The following ITGA10 variants were observed in gnomAD, a reference collection of about 807,000 sequenced individuals.
The protein encoded by ITGA10 is integrin subunit alpha 10.
A neutral mutation model predicts 145.2 loss-of-function variants in ITGA10; 105 were observed. The observed-to-expected ratio is 0.72, with a 90% CI of 0.62 to 0.85. ITGA10 has a LOEUF of 0.85. ITGA10 is among the 40% of genes least tolerant of loss of function. The pLI, the probability that ITGA10 is intolerant of heterozygous loss-of-function variation, is 0.00. For missense variants in ITGA10, 1,317 were observed against 1,444.5 expected (o/e 0.91, Z 1.43); for synonymous variants, 506 against 557.8 (o/e 0.91, Z 1.31).
rs1657280117 is a variant in ITGA10, at chr1:145,907,232, G to GT, written c.165-83dup. On this transcript the variant is annotated intron_variant, in intron 2 of 29. Coordinates refer to ENST00000369304, the MANE Select transcript of ITGA10 (RefSeq NM_003637.5). ...GCCAAAGGGAAAGAGCATGGAGGTG[G>GT]TAAGTTTAGAGCCCCAGCCACTTTC... The GT allele has an allele frequency of 7.6e-6, 12 of 1,579,538 alleles. 1 individual carries two copies. Among genetic ancestry groups the GT allele is most frequent in the South Asian group, 4.6e-5 (4 of 87,430 alleles).
chr1:145,909,504 G>T (rs1559218116), intron 1 of ITGA10, among the ~76,000 whole-genome samples: 3 of 127,054 alleles, frequency 2.4e-5, no homozygotes, highest in East Asian at 2.1e-4. Context: ...ATATAATTAT[G>T]TTATATATTA....
intron 1 of ITGA10, among the ~76,000 whole-genome samples, chr1:145,909,152 T>C (rs1553752370): frequency 6.6e-6 from 1 of 150,834 alleles, no homozygotes; most frequent in Admixed American, 6.6e-5. Flanking sequence ...AAAAAAAAAT[T>C]AGCCAGGCGT....
At chr1:145,905,311 G>A (rs587636704) in intron 5 of ITGA10, among the ~76,000 whole-genome samples, 4 of 151,126 alleles carry the variant, frequency 2.6e-5, no homozygotes, top group East Asian at 1.9e-4. Flanking sequence ...ACAGAGTCTC[G>A]CTCTATTGCC....
At position 145,895,357 on chromosome 1, in the gene ITGA10, G is replaced by A. The variant is rs781997748; in HGVS notation, c.3151C>T (p.His1051Tyr). Residue 1051 changes from histidine (H) to tyrosine (Y), a missense_variant, in exon 27 of 30, where the codon CAC becomes TAC. Coordinates refer to ENST00000369304, the MANE Select transcript of ITGA10 (RefSeq NM_003637.5). Reference sequence around the variant, plus strand: ...GTCCCCTTTGCCAGCTGCCCAAGGTGGCACCTCACCACCTGACACTGAGTA... The same window carrying A: ...GTCCCCTTTGCCAGCTGCCCAAGGTAGCACCTCACCACCTGACACTGAGTA... ...SNTQCQVVRC[H>Y]LGQLAKGTEV... is the part of the protein sequence containing the mutation. The A allele has an allele frequency of 6.2e-7, 1 of 1,614,050 alleles. No individual in the cohort carries two copies. Among genetic ancestry groups the A allele is most frequent in the Non-Finnish European group, 8.5e-7 (1 of 1,179,942 alleles).
intron 23 of ITGA10, 92 bp downstream of exon 23, chr1:145,896,677 G>C (rs1234477063): frequency 9.1e-7 from 1 of 1,101,930 alleles, no homozygotes; most frequent in African/African-American, 1.5e-5. Flanking sequence ...TTGGGTTTTT[G>C]GAAAAACTGA....
chr1:145,901,393 A>T lies in ITGA10; in HGVS notation c.1444-115T>A, dbSNP rs942605279. 1.1e-5 allele frequency: 17 copies of T among 1,490,836 alleles called. No individual in the cohort carries two copies. Among genetic ancestry groups the T allele is most frequent in the Non-Finnish European group, 1.5e-5 (17 of 1,102,646 alleles). The allele number at this position is 1,490,836 out of a possible 1,614,324, so 92.4% of individuals were successfully genotyped here. ...AGTCTGCTCCTTACATCCCTGACAG[A>T]CTCTGCCAACCAGAATTCCGCACAG... On this transcript the variant is annotated intron_variant, in intron 12 of 29. Coordinates refer to ENST00000369304, the MANE Select transcript of ITGA10 (RefSeq NM_003637.5). The surrounding 1 kb of genome is among the most constrained non-coding windows in gnomAD (Gnocchi z 4.3).
chr1:145,903,065 A>ACG, intron 7 of ITGA10, 104 bp from the exon 8 acceptor site: 1 of 951,142 alleles, frequency 1.1e-6, no homozygotes, highest in Non-Finnish European at 1.5e-6. Flanking sequence ...ACACACACAC[A>ACG]CAGGATTTAA....
At chr1:145,906,954 G>T in intron 3 of ITGA10, 87 bp downstream of exon 3, 1 of 1,165,392 alleles carries the variant, frequency 8.6e-7, no homozygotes, top group Non-Finnish European at 1.2e-6. Flanking sequence ...CGGATTTTAG[G>T]GGTGAAAAAG....
chr1:145,893,690 A>G, intron 27 of ITGA10, 55 bp from the exon 28 acceptor site: 1 of 1,390,230 alleles, frequency 7.2e-7, no homozygotes. Flanking sequence ...CAGGTGATAT[A>G]GTTCTTTGGA....
chr1:145,904,564 G>T, intron 6 of ITGA10, 120 bp downstream of exon 6: 2 of 1,008,030 alleles, frequency 2.0e-6, no homozygotes, highest in Non-Finnish European at 2.9e-6. Context: ...TTTTAGAGAT[G>T]AGGTCTCACT....
rs1332569776 is a variant in ITGA10, at chr1:145,904,233, G to A, written c.610-33C>T. ...TAAAGCGCATTCAAATGAAATGTAT[G>A]TATGTGAGATGGGGGGAGAGGAGGA... On this transcript the variant is annotated intron_variant, in intron 6 of 29. Coordinates refer to ENST00000369304, the MANE Select transcript of ITGA10 (RefSeq NM_003637.5). The A allele has an allele frequency of 2.5e-6, 4 of 1,608,348 alleles. No individual in the cohort carries two copies. The African/African-American group carries it at 4.0e-5, about 16-fold the overall frequency.
Position 145,900,900 on chromosome 1 carries a change from G to C in ITGA10, c.1681C>G (p.Gln561Glu), listed in dbSNP as rs141497717. 403 of 1,614,068 alleles carry C rather than the reference G, an allele frequency of 2.5e-4. 2 individuals are homozygous for C. The highest frequency in any genetic ancestry group is 9.3e-4 in the African/African-American group (70 of 74,986). Residue 561 changes from glutamine to glutamate, a missense_variant, in exon 14 of 30, where the codon CAA (glutamine) becomes GAA (glutamate). Transcript: ENST00000369304. ...FAMGALPDLN[Q>E]DGFADVAVGA... is the part of the protein sequence containing the mutation. Reference sequence around the variant, plus strand: ...ACAGCCACATCAGCAAAACCATCTTGGTTCAGATCAGGAAGAGCTCCCATG... The same window carrying C: ...ACAGCCACATCAGCAAAACCATCTTCGTTCAGATCAGGAAGAGCTCCCATG...
chr1:145,903,712 G>T (rs1449522649), intron 7 of ITGA10, among the ~76,000 whole-genome samples: 1 of 150,442 alleles, frequency 6.6e-6, no homozygotes, highest in East Asian at 1.9e-4. Context: ...TTTAGATGGA[G>T]TTTTGCTCTC....
chr1:145,896,622 G>T, intron 23 of ITGA10, 147 bp downstream of exon 23: 1 of 730,808 alleles, frequency 1.4e-6, no homozygotes, highest in Non-Finnish European at 2.4e-6. Context: ...GGAAGATTCA[G>T]CATGAATAGG....
rs587594790 is a variant in ITGA10, at chr1:145,895,157, A to C, written c.3228+123T>G. 6 of 641,006 alleles carry C rather than the reference A, an allele frequency of 9.4e-6. No homozygotes were observed. The African/African-American group carries it at 1.1e-4, about 12-fold the overall frequency. The allele number at this position is 641,006 out of a possible 1,614,324, so 39.7% of individuals were successfully genotyped here. A position where few individuals can be genotyped will look rare whatever the true frequency, so the allele number is the denominator to read the frequency against. On this transcript the variant is annotated intron_variant, in intron 27 of 29. Coordinates refer to ENST00000369304, the MANE Select transcript of ITGA10 (RefSeq NM_003637.5). ...CTTAGAGAGATGAAATAACTTGCTC[A>C]TGGTCAAATAGCTAGTAAGAGGCAA...
At chr1:145,894,782 T>A (rs1553744313) in intron 27 of ITGA10, among the ~76,000 whole-genome samples, 1 of 152,208 alleles carries the variant, frequency 6.6e-6, no homozygotes, top group Non-Finnish European at 1.5e-5. Context: ...GCATGTAATA[T>A]CAATAATTCA....
At chr1:145,896,738 AACTGGGTCCC>A (rs1655462361) in intron 23 of ITGA10, 21 bp downstream of exon 23, 2 of 1,557,066 alleles carry the variant, frequency 1.3e-6, no homozygotes, top group Admixed American at 3.3e-5. Context: ...CTGAGGTCAG[AACTGGGTCCC>A]ACCCTAGAAG....
rs781983596 is a variant in ITGA10, at chr1:145,907,446, G to A, written c.72C>T (p.Asn24=). ...VFLTGLCSPF[N]LDEHHPRLFP... The stretch of plus-strand genomic sequence containing the variant: ...ATAGGCGTGGGTGATGTTCATCCAG[G>A]TTAAAGGGGGAGCAGAGACCTGTGG... The change falls in exon 2 of 30, where the codon AAC becomes AAT. Residue 24 remains asparagine (N), a synonymous_variant. Transcript: ENST00000369304. 2 of 1,614,108 alleles carry A rather than the reference G, an allele frequency of 1.2e-6. No individual in the cohort carries two copies. Among genetic ancestry groups the A allele is most frequent in the Admixed American group, 1.7e-5 (1 of 60,004 alleles).
intron 14 of ITGA10, 45 bp downstream of exon 14, chr1:145,900,745 C>T (rs1368127931): frequency 1.3e-6 from 2 of 1,584,086 alleles, no homozygotes; most frequent in Non-Finnish European, 1.7e-6. Flanking sequence ...TCCCCCTATT[C>T]CTCTTCCTAC....
Sources: gnomAD v4.1 joint callset for allele counts (sites outside exome capture counted in the v4.1 genomes callset) on GRCh38, gnomAD v4.1.1 for gene constraint, Gnocchi (gnomAD v3.1) non-coding constraint, MANE v1.5 for transcripts, NCBI Gene and HGNC (gene_info 2026-07-23, HGNC 2026-07-21) for gene names.